YEATS2: variants seen among roughly 807,000 people sequenced by gnomAD.
The protein encoded by YEATS2 is YEATS domain-containing protein 2.
Under a neutral mutation model 163.2 loss-of-function variants are expected in YEATS2, and 77 were observed. The observed-to-expected ratio is 0.47, with a 90% CI of 0.39 to 0.57. The LOEUF is 0.57. Ranked by LOEUF, YEATS2 falls within the 20% of genes least tolerant of loss-of-function variation. The probability of loss-of-function intolerance (pLI) is 0.00; values close to 1 mark genes in which losing one functional copy is unlikely to be tolerated. For missense variants in YEATS2, 1,549 were observed against 1,729.8 expected, an observed-to-expected ratio of 0.90 and a Z score of 1.85; for synonymous variants, 631 against 645.1, an observed-to-expected ratio of 0.98 and a Z score of 0.33.
intron 28 of YEATS2, chr3:183,807,778 CGAAG>C (rs1726369943): frequency 5.0e-6 from 2 of 400,310 alleles, no homozygotes; most frequent in Non-Finnish European, 4.5e-6. Flanking sequence ...TGTTCTCCCA[CGAAG>C]GAGATTTGAG....
At chr3:183,804,250 G>GACTTGGAAGAGTTGGA in intron 27 of YEATS2, 62 bp downstream of exon 27, 1 of 1,588,602 alleles carries the variant, frequency 6.3e-7, no homozygotes, top group Non-Finnish European at 8.6e-7. Context: ...CTGAGGTAGA[G>GACTTGGAAGAGTTGGA]AGAGATGAGG....
intron 19 of YEATS2, among the ~76,000 whole-genome samples, chr3:183,785,566 G>A (rs1723988020): frequency 6.6e-6 from 1 of 151,944 alleles, no homozygotes; most frequent in African/African-American, 2.4e-5. Context: ...TGGGGCAGGA[G>A]GATCACTTGA....
At position 183,798,018 on chromosome 3, in the gene YEATS2, G is replaced by A. The variant is rs749812934; in HGVS notation, c.3193G>A (p.Gly1065Arg). ...LKPLSVNTSG[G>R]VQTILMPVNK... ...ACCACTCAGCGTAAACACATCTGGA[G>A]GGGTGCAGACGATCCTGATGCCTGT... Residue 1065 changes from glycine (G) to arginine (R), a missense_variant, in exon 22 of 31, where the codon GGG becomes AGG. Coordinates refer to ENST00000305135, the MANE Select transcript of YEATS2 (RefSeq NM_018023.5). The A allele has an allele frequency of 6.2e-7, 1 of 1,614,098 alleles. No individual in the cohort carries two copies. The highest frequency in any genetic ancestry group is 1.7e-5 in the Admixed American group (1 of 60,028).
intron 15 of YEATS2, among the ~76,000 whole-genome samples, chr3:183,765,467 A>G (rs1466859539): frequency 6.6e-6 from 1 of 152,166 alleles, no homozygotes; most frequent in African/African-American, 2.4e-5. Context: ...TGCCCTAAAT[A>G]TGGTTTAAGG....
At chr3:183,768,889 T>C (rs1347837473) in intron 15 of YEATS2, among the ~76,000 whole-genome samples, 1 of 152,182 alleles carries the variant, frequency 6.6e-6, no homozygotes, top group African/African-American at 2.4e-5. Context: ...GGAGAATTGC[T>C]TGAACCCAGG....
At chr3:183,748,251 C>G (rs1331520764) in intron 9 of YEATS2, among the ~76,000 whole-genome samples, 31 of 148,356 alleles carry the variant, frequency 2.1e-4, no homozygotes, top group Non-Finnish European at 3.3e-4. Flanking sequence ...CCCTCCCCTT[C>G]CCCTCCTTTT....
At chr3:183,733,143 G>A (rs1488031252) in intron 7 of YEATS2, among the ~76,000 whole-genome samples, 1 of 152,228 alleles carries the variant, frequency 6.6e-6, no homozygotes, top group African/African-American at 2.4e-5. Context: ...TTTCATGTTT[G>A]ATACTGAGTG....
chr3:183,795,778 C>T lies in YEATS2; in HGVS notation c.3098-2145C>T, dbSNP rs375468471. ...CAGCTGATGAGCATGCATAAAAATA[C>T]GGGAACTTCAGATCATTGTTAAACT... On this transcript the variant is annotated intron_variant, in intron 21 of 30. Coordinates refer to ENST00000305135, the MANE Select transcript of YEATS2 (RefSeq NM_018023.5). 1.6e-4 allele frequency among the ~76,000 whole-genome samples: 24 copies of T among 152,138 alleles called. 1 individual carries two copies. The highest frequency in any genetic ancestry group is 5.9e-4 in the Admixed American group (9 of 15,268).
chr3:183,791,092 A>G, intron 21 of YEATS2, 112 bp downstream of exon 21: 2 of 1,400,954 alleles, frequency 1.4e-6, no homozygotes, highest in Non-Finnish European at 1.9e-6. Flanking sequence ...AGAGTGCAAT[A>G]TCACAATCTC....
chr3:183,731,313 AAAAGC>A (rs1326135878), intron 7 of YEATS2, among the ~76,000 whole-genome samples: 1 of 143,420 alleles, frequency 7.0e-6, no homozygotes, highest in Non-Finnish European at 1.5e-5. Context: ...AAAAAAAAAA[AAAAGC>A]GGAATATTTG....
intron 8 of YEATS2, among the ~76,000 whole-genome samples, chr3:183,739,277 T>A (rs967691313): frequency 2.3e-4 from 35 of 151,492 alleles, no homozygotes; most frequent in African/African-American, 7.8e-4. Flanking sequence ...GGATACAAAA[T>A]CAGTGTACAA....
At position 183,811,373 on chromosome 3, in the gene YEATS2, G is replaced by A. The variant is rs938743979; in HGVS notation, c.*790G>A. ...ACACATGTGTGCGAAGCAGATCGCA[G>A]GTTCCACGCCATCTGCATGGCCTGC... On this transcript the variant is annotated 3_prime_UTR_variant, in exon 31 of 31. Transcript: ENST00000305135. The A allele has an allele frequency of 2.6e-5, 4 of 152,664 alleles. No individual in the cohort carries two copies. Among genetic ancestry groups the A allele is most frequent in the Non-Finnish European group, 5.9e-5 (4 of 68,090 alleles). 9.5% of individuals were successfully genotyped at this position (152,664 alleles called of 1,614,324 possible).
intron 23 of YEATS2, among the ~76,000 whole-genome samples, chr3:183,799,832 C>CTT (rs533383296): frequency 6.9e-5 from 8 of 115,746 alleles, no homozygotes; most frequent in South Asian, 3.0e-4. Context: ...TTTTTTTTTT[C>CTT]TTTTTTTTTT....
intron 17 of YEATS2, among the ~76,000 whole-genome samples, chr3:183,775,426 T>A (rs1722883574): frequency 6.6e-6 from 1 of 151,560 alleles, no homozygotes. Flanking sequence ...TGAAACCCCC[T>A]CTCTACTAAA....
At chr3:183,725,922 C>A (rs1180248811) in intron 6 of YEATS2, among the ~76,000 whole-genome samples, 2 of 152,132 alleles carry the variant, frequency 1.3e-5, no homozygotes, top group Non-Finnish European at 2.9e-5. Flanking sequence ...TACTTCAGGT[C>A]TTTTTCTGGG....
At chr3:183,768,929 G>A (rs1296239440) in intron 15 of YEATS2, among the ~76,000 whole-genome samples, 1 of 152,182 alleles carries the variant, frequency 6.6e-6, no homozygotes, top group Non-Finnish European at 1.5e-5. Context: ...CTGAGATCGT[G>A]CCACCGCACT....
chr3:183,754,916 G>A (rs1437195811), intron 11 of YEATS2, among the ~76,000 whole-genome samples: 2 of 152,108 alleles, frequency 1.3e-5, no homozygotes, highest in African/African-American at 4.8e-5. Flanking sequence ...AATTTAGTAG[G>A]AATATATGGT....
In YEATS2 at chr3:183,762,229, A is replaced by G. The variant is rs1721440766; in HGVS notation, c.1897A>G (p.Ile633Val). 1.9e-6 allele frequency: 3 copies of G among 1,613,356 alleles called. No homozygotes were observed. The highest frequency in any genetic ancestry group is 2.5e-6 in the Non-Finnish European group (3 of 1,179,306). ...MIAVSPQKQVITPGEGIAQSA... is the reference protein window; with the variant it reads ...MIAVSPQKQVVTPGEGIAQSA... ...AGCTGTGTCCCCTCAAAAACAGGTC[A>G]TAACTCCTGGAGAAGGGATTGCCCA... The change falls in exon 15 of 31, where the codon ATA becomes GTA. Residue 633 changes from isoleucine (I) to valine (V), a missense_variant. Ile to Val is a conservative substitution (Grantham distance 29, BLOSUM62 3). Transcript: ENST00000305135.
In YEATS2 at chr3:183,804,096, G is replaced by T; in HGVS notation, c.3692G>T (p.Arg1231Leu). 1 of 1,614,072 alleles carries T rather than the reference G, an allele frequency of 6.2e-7. No individual in the cohort carries two copies. Among genetic ancestry groups the T allele is most frequent in the South Asian group, 1.1e-5 (1 of 91,082 alleles). Residue 1231 changes from arginine (R) to leucine (L), a missense_variant, in exon 27 of 31, where the codon CGC becomes CTC. Transcript: ENST00000305135. ...ACCAAGCACATCGCTCACTGGTGCC[G>T]CTGTCATGGCTACACCCCACCGGAC... ...LKTKHIAHWC[R>L]CHGYTPPDPE...
Sources: allele counts gnomAD v4.1 joint callset (sites outside exome capture counted in the v4.1 genomes callset), GRCh38; gene constraint gnomAD v4.1.1; transcripts MANE v1.5; gene names NCBI Gene and HGNC (gene_info 2026-07-23, HGNC 2026-07-21).